GLRA3: variants seen among roughly 807,000 people sequenced by gnomAD.
The protein encoded by GLRA3 is glycine receptor subunit alpha-3.
Under a neutral mutation model 60.4 loss-of-function variants are expected in GLRA3, and 44 were observed. That is an observed-to-expected ratio of 0.73 (90% confidence interval 0.57 to 0.94). The LOEUF (loss-of-function observed/expected upper bound fraction) is 0.94. Among genes scored for constraint, GLRA3 ranks in the 40% least tolerant of loss-of-function variants. GLRA3 has a pLI of 0.00. For missense variants in GLRA3, 508 were observed against 564.6 expected (o/e 0.90, Z 1.02); for synonymous variants, 223 against 192.9 (o/e 1.16, Z -1.29).
intron 1 of GLRA3, among the ~76,000 whole-genome samples, chr4:174,809,524 G>A (rs1312923520): frequency 6.6e-6 from 1 of 152,136 alleles, no homozygotes; most frequent in Non-Finnish European, 1.5e-5. Flanking sequence ...CTGAAGGTCA[G>A]GAGTTTGAGA....
At chr4:174,681,131 C>T (rs1166046804) in intron 6 of GLRA3, among the ~76,000 whole-genome samples, 1 of 152,048 alleles carries the variant, frequency 6.6e-6, no homozygotes, top group African/African-American at 2.4e-5. Context: ...ACGATACCAC[C>T]CAAGATGTCC....
chr4:174,764,607 A>G (rs966484054), intron 3 of GLRA3, among the ~76,000 whole-genome samples: 14 of 152,058 alleles, frequency 9.2e-5, no homozygotes, highest in Non-Finnish European at 1.3e-4. Context: ...AAGTGTGAAT[A>G]AGTTTAAAAA....
chr4:174,799,229 G>C (rs1045373738), intron 1 of GLRA3, among the ~76,000 whole-genome samples: 1 of 152,078 alleles, frequency 6.6e-6, no homozygotes, highest in Non-Finnish European at 1.5e-5. Context: ...AGAAACAAAG[G>C]TATATAGAAA....
intron 1 of GLRA3, among the ~76,000 whole-genome samples, chr4:174,807,856 C>A (rs1740110046): frequency 6.6e-6 from 1 of 152,070 alleles, no homozygotes; most frequent in African/African-American, 2.4e-5. Flanking sequence ...ACTCTACCTG[C>A]ATAAATGCTC....
chr4:174,693,089 T>A (rs1007628747), intron 5 of GLRA3, among the ~76,000 whole-genome samples: 4 of 152,196 alleles, frequency 2.6e-5, no homozygotes, highest in African/African-American at 9.6e-5. Flanking sequence ...TTCAAATATT[T>A]TCTCCCATTC....
chr4:174,736,806 T>C lies in GLRA3; in HGVS notation c.268-8108A>G, dbSNP rs191525613. On this transcript the variant is annotated intron_variant, in intron 3 of 9. Transcript: ENST00000274093. ...TATAAGCCATCACAATGCCTGTATA[T>C]ATGTATTATACATAAAACCCATGGG... 2.0e-3 allele frequency among the ~76,000 whole-genome samples: 306 copies of C among 152,266 alleles called. 1 individual carries two copies. Among genetic ancestry groups the C allele is most frequent in the African/African-American group, 7.1e-3 (296 of 41,558 alleles).
chr4:174,783,970 G>A (rs1172103295), intron 2 of GLRA3, among the ~76,000 whole-genome samples: 1 of 150,482 alleles, frequency 6.6e-6, no homozygotes, highest in Non-Finnish European at 1.5e-5. Flanking sequence ...CCATTACTGG[G>A]TATATACCCA....
chr4:174,737,608 G>C (rs1450469218), intron 3 of GLRA3, among the ~76,000 whole-genome samples: 3 of 152,002 alleles, frequency 2.0e-5, no homozygotes, highest in Non-Finnish European at 1.5e-5. Flanking sequence ...CTGCCACCTG[G>C]GTTCAAGCAA....
chr4:174,681,521 T>C (rs536983904), intron 6 of GLRA3, among the ~76,000 whole-genome samples: 21 of 152,138 alleles, frequency 1.4e-4, no homozygotes, highest in Non-Finnish European at 2.6e-4. Flanking sequence ...GGGAATCCCA[T>C]GTGACTCTGG....
intron 1 of GLRA3, among the ~76,000 whole-genome samples, chr4:174,800,293 A>G (rs1423204283): frequency 6.6e-6 from 1 of 152,056 alleles, no homozygotes; most frequent in African/African-American, 2.4e-5. Flanking sequence ...TTTTTCATAG[A>G]TTTTATATGG....
chr4:174,810,262 G>C (rs1740208455), intron 1 of GLRA3, among the ~76,000 whole-genome samples: 1 of 152,062 alleles, frequency 6.6e-6, no homozygotes, highest in Admixed American at 6.6e-5. Flanking sequence ...AACAAAAGAT[G>C]CTGGACTAGA....
chr4:174,810,316 T>C (rs1740211644), intron 1 of GLRA3, among the ~76,000 whole-genome samples: 1 of 152,098 alleles, frequency 6.6e-6, no homozygotes, highest in Admixed American at 6.6e-5. Flanking sequence ...TGTGGCAGAA[T>C]GGATTAGCGG....
At position 174,709,656 on chromosome 4, in the gene GLRA3, G is replaced by C. The variant is rs116412864; in HGVS notation, c.574+5832C>G. On this transcript the variant is annotated intron_variant, in intron 5 of 9. Transcript: ENST00000274093. ...TGTTGAACTTCTGGCTTTTATACAA[G>C]CAGTTACATGAAACTCTGTTGAGAT... 2.1e-3 allele frequency among the ~76,000 whole-genome samples: 314 copies of C among 152,146 alleles called. 2 individuals are homozygous for C. The highest frequency in any genetic ancestry group is 7.1e-3 in the African/African-American group (297 of 41,566).
chr4:174,704,758 C>A (rs1735456347), intron 5 of GLRA3, among the ~76,000 whole-genome samples: 1 of 143,670 alleles, frequency 7.0e-6, no homozygotes, highest in Non-Finnish European at 1.5e-5. Context: ...ATTATTCAAA[C>A]TTAAAAAGGA....
intron 7 of GLRA3, among the ~76,000 whole-genome samples, chr4:174,669,883 T>G (rs1355041665): frequency 2.0e-5 from 3 of 152,200 alleles, no homozygotes; most frequent in African/African-American, 4.8e-5. Flanking sequence ...TGGTTTTTAC[T>G]TCATGAGATA....
In GLRA3 at chr4:174,783,941, A is replaced by G. The variant is rs1261873681; in HGVS notation, c.199+4875T>C. Among the ~76,000 whole-genome samples, 4 of 151,068 alleles carry G rather than the reference A, an allele frequency of 2.6e-5. No individual in the cohort carries two copies. In the East Asian group the frequency reaches 5.9e-4, roughly 22 times the overall value. The stretch of plus-strand genomic sequence containing the variant: ...TCCTCAGGGATCTAGAACTAGAAAT[A>G]CCATTTGATCCAGCCATCCCATTAC... On this transcript the variant is annotated intron_variant, in intron 2 of 9. Coordinates refer to ENST00000274093, the MANE Select transcript of GLRA3 (RefSeq NM_006529.4).
intron 2 of GLRA3, among the ~76,000 whole-genome samples, chr4:174,783,773 C>T (rs1241798046): frequency 1.3e-5 from 2 of 151,108 alleles, no homozygotes; most frequent in Non-Finnish European, 3.0e-5. Context: ...CAATGAGATA[C>T]CATCTCACAC....
intron 3 of GLRA3, among the ~76,000 whole-genome samples, chr4:174,750,767 A>G (rs938306856): frequency 2.6e-5 from 4 of 152,088 alleles, no homozygotes; most frequent in Admixed American, 2.6e-4. Flanking sequence ...TTGACTGCAG[A>G]TGGTTGCTCA....
In GLRA3 at chr4:174,643,896, C is replaced by T; in HGVS notation, c.1285G>A (p.Asp429Asn). The T allele has an allele frequency of 6.2e-7, 1 of 1,614,098 alleles. No individual in the cohort carries two copies. Among genetic ancestry groups the T allele is most frequent in the Non-Finnish European group, 8.5e-7 (1 of 1,180,002 alleles). The part of the protein sequence containing the change: ...KVFIDRAKKI[D>N]TISRACFPLA... Reference sequence around the variant, plus strand: ...GGGAAGCAGGCTCGGGAGATGGTATCAATCTTCTTGGCCCGGTCGATAAAG... The same window carrying T: ...GGGAAGCAGGCTCGGGAGATGGTATTAATCTTCTTGGCCCGGTCGATAAAG... The change falls in exon 10 of 10, where the codon GAT (aspartate) becomes AAT (asparagine). Residue 429 changes from aspartate (D) to asparagine (N), a missense_variant. Physicochemically the swap from Asp to Asn is conservative, Grantham distance 23 (BLOSUM62 1). Coordinates refer to ENST00000274093, the MANE Select transcript of GLRA3 (RefSeq NM_006529.4).
Sources: gnomAD v4.1 joint callset for allele counts (sites outside exome capture counted in the v4.1 genomes callset) on GRCh38, gnomAD v4.1.1 for gene constraint, MANE v1.5 for transcripts, NCBI Gene and HGNC (gene_info 2026-07-23, HGNC 2026-07-21) for gene names.